FOXK1: variants seen among roughly 807,000 people sequenced by gnomAD.
The protein encoded by FOXK1 is forkhead box K1.
Under a neutral mutation model 51.9 loss-of-function variants are expected in FOXK1, and 19 were observed. That is an observed-to-expected ratio of 0.37 (90% CI 0.26 to 0.54). The LOEUF is 0.54. FOXK1 is among the 20% of genes least tolerant of loss of function. The pLI, the probability that FOXK1 is intolerant of heterozygous loss-of-function variation, is 0.87. For missense variants in FOXK1, 870 were observed against 1,032.7 expected, an observed-to-expected ratio of 0.84 and a Z score of 2.16; for synonymous variants, 537 against 482.6, an observed-to-expected ratio of 1.11 and a Z score of -1.48.
intron 1 of FOXK1, among the ~76,000 whole-genome samples, chr7:4,726,829 C>A (rs534304343): frequency 1.3e-5 from 2 of 152,348 alleles, no homozygotes; most frequent in Admixed American, 1.3e-4. Context: ...TGTATTCATA[C>A]ATCACCAGAG....
intron 1 of FOXK1, among the ~76,000 whole-genome samples, chr7:4,688,286 C>T (rs796849973): frequency 2.7e-5 from 4 of 149,934 alleles, no homozygotes; most frequent in African/African-American, 9.8e-5. Context: ...AAAAAAACCA[C>T]AGTGTCATTA....
rs1375608380 is a variant in FOXK1, at chr7:4,766,956, T to C, written c.*4492T>C. ...TTCCTTGGCTTTGAAATCAGTGTTT[T>C]TATGGAGACAAAGAACAGACCTCAG... On this transcript the variant is annotated 3_prime_UTR_variant, in exon 9 of 9. Coordinates refer to ENST00000328914, the MANE Select transcript of FOXK1 (RefSeq NM_001037165.2). The surrounding 1 kb of genome is among the most constrained non-coding windows in gnomAD (Gnocchi z 5.5). 5 of 152,238 alleles carry C rather than the reference T, an allele frequency of 3.3e-5. No individual in the cohort carries two copies. Among genetic ancestry groups the C allele is most frequent in the African/African-American group, 1.2e-4 (5 of 41,456 alleles). 9.4% of individuals were successfully genotyped at this position (152,238 alleles called of 1,614,324 possible). A position where few individuals can be genotyped will look rare whatever the true frequency, so the allele number is the denominator to read the frequency against.
Position 4,711,253 on chromosome 7 carries a change from T to A in FOXK1, c.560+28385T>A, listed in dbSNP as rs557824951. On this transcript the variant is annotated intron_variant, in intron 1 of 8. Transcript: ENST00000328914. This position sits in a 1 kb window ranked among gnomAD's most constrained non-coding sequence, Gnocchi z 6.3. Reference sequence around the variant, plus strand: ...TCCTGGGTCCCGACACCTGGGGGTGTTTTCACAGGGTGGGAAGGCTGAGTG... The same window carrying A: ...TCCTGGGTCCCGACACCTGGGGGTGATTTCACAGGGTGGGAAGGCTGAGTG... Among the ~76,000 whole-genome samples the A allele has an allele frequency of 6.6e-6, 1 of 152,154 alleles. No homozygotes were observed. Among genetic ancestry groups the A allele is most frequent in the Non-Finnish European group, 1.5e-5 (1 of 67,984 alleles).
chr7:4,741,330 T>TTTG (rs1780631463), intron 2 of FOXK1, among the ~76,000 whole-genome samples: 3 of 151,568 alleles, frequency 2.0e-5, no homozygotes, highest in Non-Finnish European at 4.4e-5. Context: ...AATGTTTTTT[T>TTTG]TTTGTTTGTT....
chr7:4,736,042 A>G (rs1041516409), intron 1 of FOXK1, among the ~76,000 whole-genome samples: 1 of 152,108 alleles, frequency 6.6e-6, no homozygotes, highest in Non-Finnish European at 1.5e-5. Context: ...CCAGCTACTC[A>G]GGAGGCTGAG....
chr7:4,728,632 T>A (rs62453202), intron 1 of FOXK1, among the ~76,000 whole-genome samples: 2,866 of 146,970 alleles, frequency 0.02, 33 homozygotes, highest in Non-Finnish European at 0.031. Context: ...GGTGCAAGCC[T>A]ATACTTCTGG....
Position 4,683,565 on chromosome 7 carries a change from C to A in FOXK1, c.560+697C>A, listed in dbSNP as rs967330424. 6.6e-6 allele frequency among the ~76,000 whole-genome samples: 1 copy of A among 151,814 alleles called. No homozygotes were observed. The highest frequency in any genetic ancestry group is 1.5e-5 in the Non-Finnish European group (1 of 67,940). ...GCCTGGGCCTGGGGATCACCCTCAA[C>A]CCTTCCAGGTCACCCTGGACCCCCA... On this transcript the variant is annotated intron_variant, in intron 1 of 8. Coordinates refer to ENST00000328914, the MANE Select transcript of FOXK1 (RefSeq NM_001037165.2). This position sits in a 1 kb window ranked among gnomAD's most constrained non-coding sequence, Gnocchi z 4.5.
intron 1 of FOXK1, among the ~76,000 whole-genome samples, chr7:4,732,924 G>A (rs1780502030): frequency 6.6e-6 from 1 of 152,174 alleles, no homozygotes; most frequent in Non-Finnish European, 1.5e-5. Flanking sequence ...ATTGTGAATT[G>A]ATCTCTGGAC....
In FOXK1 at chr7:4,748,486, G is replaced by C. The variant is rs1315582968; in HGVS notation, c.747-5973G>C. ...TTTCCGCCACACTCCCCCCGCTCTT[G>C]GGGTTAATAATGGCCTCTTCTCCCT... On this transcript the variant is annotated intron_variant, in intron 2 of 8. Coordinates refer to ENST00000328914, the MANE Select transcript of FOXK1 (RefSeq NM_001037165.2). The surrounding 1 kb of genome is among the most constrained non-coding windows in gnomAD (Gnocchi z 4.9). Among the ~76,000 whole-genome samples, 1 of 152,146 alleles carries C rather than the reference G, an allele frequency of 6.6e-6. No individual in the cohort carries two copies. The highest frequency in any genetic ancestry group is 1.5e-5 in the Non-Finnish European group (1 of 68,032).
chr7:4,704,525 TAA>T lies in FOXK1; in HGVS notation c.560+21667_560+21668del, dbSNP rs902027567. Among the ~76,000 whole-genome samples, 271 of 146,642 alleles carry T rather than the reference TAA, an allele frequency of 1.8e-3. 3 individuals are homozygous for T. The highest frequency in any genetic ancestry group is 6.3e-3 in the African/African-American group (252 of 40,032). On this transcript the variant is annotated intron_variant, in intron 1 of 8. Transcript: ENST00000328914. ...ACACAAATAAATATTTTTCAAAAAT[TAA>T]AAAAAAAAATGCTCAAAGGATTACC...
At chr7:4,690,706 A>G (rs1244602476) in intron 1 of FOXK1, among the ~76,000 whole-genome samples, 2 of 151,406 alleles carry the variant, frequency 1.3e-5, no homozygotes, top group Non-Finnish European at 2.9e-5. Context: ...TGTAGGATGT[A>G]GTGGTGTTCA....
intron 1 of FOXK1, among the ~76,000 whole-genome samples, chr7:4,738,777 C>G (rs766981292): frequency 6.6e-6 from 1 of 152,144 alleles, no homozygotes; most frequent in African/African-American, 2.4e-5. Flanking sequence ...TGGCACTGAA[C>G]GATGCGGCCC....
At chr7:4,700,144 C>G (rs1352617906) in intron 1 of FOXK1, among the ~76,000 whole-genome samples, 1 of 152,236 alleles carries the variant, frequency 6.6e-6, no homozygotes, top group African/African-American at 2.4e-5. Context: ...CCCCACGGCA[C>G]CCTGTGTGGC....
intron 1 of FOXK1, among the ~76,000 whole-genome samples, chr7:4,686,842 C>T (rs1779824905): frequency 6.7e-6 from 1 of 149,620 alleles, no homozygotes; most frequent in African/African-American, 2.5e-5. Flanking sequence ...GGAATTCAGA[C>T]AGCCTTCTTC....
chr7:4,743,848 A>G lies in FOXK1; in HGVS notation c.746+2825A>G, dbSNP rs1010672670. On this transcript the variant is annotated intron_variant, in intron 2 of 8. Coordinates refer to ENST00000328914, the MANE Select transcript of FOXK1 (RefSeq NM_001037165.2). This position sits in a 1 kb window ranked among gnomAD's most constrained non-coding sequence, Gnocchi z 5.3. ...GCCTTAGCCTGGGAGTGGGTTATTA[A>G]TCAGCAGGTTGTAATCCAGCTAAAC... 1.1e-4 allele frequency among the ~76,000 whole-genome samples: 16 copies of G among 151,486 alleles called. No individual in the cohort carries two copies. Among genetic ancestry groups the G allele is most frequent in the African/African-American group, 3.9e-4 (16 of 41,200 alleles).
chr7:4,721,357 G>C (rs1394977466), intron 1 of FOXK1, among the ~76,000 whole-genome samples: 1 of 152,152 alleles, frequency 6.6e-6, no homozygotes, highest in Non-Finnish European at 1.5e-5. Context: ...GCAACCTTCT[G>C]ATGACCTTGG....
At chr7:4,705,554 T>TCTCTCTCTCTCTCTCG (rs895937029) in intron 1 of FOXK1, among the ~76,000 whole-genome samples, 35 of 131,550 alleles carry the variant, frequency 2.7e-4, no homozygotes, top group African/African-American at 1.0e-3. Flanking sequence ...TCTCTCTCTC[T>TCTCTCTCTCTCTCTCG]CTCTCGCTCT....
At chr7:4,719,111 GTTTTTTTTGTT>G (rs1406236979) in intron 1 of FOXK1, among the ~76,000 whole-genome samples, 2 of 127,830 alleles carry the variant, frequency 1.6e-5, no homozygotes, top group African/African-American at 6.4e-5. Context: ...ACCCAACCTT[GTTTTTTTTGTT>G]TTTTTTTTGT....
chr7:4,698,789 G>C (rs1019614615), intron 1 of FOXK1, among the ~76,000 whole-genome samples: 1 of 151,750 alleles, frequency 6.6e-6, no homozygotes, highest in African/African-American at 2.4e-5. Flanking sequence ...CCTGAGCTCA[G>C]GTGATCCTCC....
Sources: gnomAD v4.1 joint callset for allele counts (sites outside exome capture counted in the v4.1 genomes callset) on GRCh38, gnomAD v4.1.1 for gene constraint, Gnocchi (gnomAD v3.1) non-coding constraint, MANE v1.5 for transcripts, NCBI Gene and HGNC (gene_info 2026-07-23, HGNC 2026-07-21) for gene names.